The following ACOT12 variants were observed in gnomAD, a reference collection of about 807,000 sequenced individuals.
The protein encoded by ACOT12 is acetyl-coenzyme A thioesterase.
In ACOT12, 51 loss-of-function variants were observed where a neutral mutation model predicts 67.7. The ratio of observed to expected loss-of-function variants is 0.75; its 90% CI spans 0.60 to 0.95. ACOT12 has a LOEUF of 0.95. Among genes scored for constraint, ACOT12 ranks in the 40% least tolerant of loss-of-function variants. The pLI, the probability that ACOT12 is intolerant of heterozygous loss-of-function variation, is 0.00. For synonymous variants in ACOT12, 251 were observed against 244.6 expected, an observed-to-expected ratio of 1.03 and a Z score of -0.24; for missense variants, 734 against 708.1, an observed-to-expected ratio of 1.04 and a Z score of -0.41.
At chr5:81,379,587 T>C (rs1275134048) in intron 2 of ACOT12, among the ~76,000 whole-genome samples, 1 of 152,146 alleles carries the variant, frequency 6.6e-6, no homozygotes, top group African/African-American at 2.4e-5. Context: ...TCCCATTTCA[T>C]TCCCATCAGG....
chr5:81,315,909 A>G, the ACOT12 span, among the ~76,000 whole-genome samples: 3 of 152,126 alleles, frequency 2.0e-5, no homozygotes, highest in Admixed American at 6.5e-5. Flanking sequence ...ACCTTCTACC[A>G]TATTAAGTTA....
chr5:81,382,485 A>C (rs1472078062), intron 2 of ACOT12, among the ~76,000 whole-genome samples: 1 of 152,160 alleles, frequency 6.6e-6, no homozygotes, highest in African/African-American at 2.4e-5. Context: ...AAGATGGGGC[A>C]GTCTGAACTT....
chr5:81,311,170 C>A, the ACOT12 span: 1 of 1,608,946 alleles, frequency 6.2e-7, no homozygotes, highest in East Asian at 2.2e-5. Context: ...AAACCCCTTG[C>A]AAGTATGAGA....
rs1007136825 is a variant in ACOT12, at chr5:81,376,205, A to G, written c.198-4395T>C. Among the ~76,000 whole-genome samples the G allele has an allele frequency of 2.0e-5, 3 of 152,150 alleles. No individual in the cohort carries two copies. The East Asian group carries it at 5.8e-4, about 29-fold the overall frequency. On this transcript the variant is annotated intron_variant, in intron 2 of 14. Transcript: ENST00000307624. ...GAAACTCACTCAAAACCACACAACT[A>G]CATGGAAACTGAACAACCTGCTCCT...
At chr5:81,381,212 G>T (rs893294731) in intron 2 of ACOT12, among the ~76,000 whole-genome samples, 5 of 151,980 alleles carry the variant, frequency 3.3e-5, no homozygotes, top group African/African-American at 1.2e-4. Context: ...GATTACAGGC[G>T]CGTGCCACCA....
chr5:81,384,858 G>A (rs1760684606), intron 2 of ACOT12, among the ~76,000 whole-genome samples: 1 of 152,140 alleles, frequency 6.6e-6, no homozygotes, highest in East Asian at 1.9e-4. Context: ...CTATAGCTAG[G>A]GGTGAAGGGT....
chr5:81,376,622 A>G (rs1760424102), intron 2 of ACOT12, among the ~76,000 whole-genome samples: 1 of 152,140 alleles, frequency 6.6e-6, no homozygotes, highest in Admixed American at 6.5e-5. Flanking sequence ...AGAGAGAAGA[A>G]CCAAATAGAC....
At chr5:81,339,307 A>G (rs1232519324) in intron 11 of ACOT12, among the ~76,000 whole-genome samples, 2 of 152,180 alleles carry the variant, frequency 1.3e-5, no homozygotes, top group Non-Finnish European at 2.9e-5. Flanking sequence ...CCCCGGCTCC[A>G]TGAGAATAGC....
chr5:81,338,534 T>C (rs185038036), intron 11 of ACOT12, among the ~76,000 whole-genome samples: 112 of 152,354 alleles, frequency 7.4e-4, no homozygotes, highest in Non-Finnish European at 1.5e-3. Context: ...CCATGCTTCC[T>C]GTGCAGCCTA....
the ACOT12 span, among the ~76,000 whole-genome samples, chr5:81,324,591 A>G: frequency 7.2e-5 from 11 of 152,230 alleles, no homozygotes; most frequent in Non-Finnish European, 1.6e-4. Context: ...AGGAATAGAT[A>G]TAGAGGAGAA....
chr5:81,362,280 C>T (rs774363144), intron 4 of ACOT12, among the ~76,000 whole-genome samples: 1 of 151,240 alleles, frequency 6.6e-6, no homozygotes, highest in Non-Finnish European at 1.5e-5. Flanking sequence ...AGTCTCCTGT[C>T]TCAGCTTCCC....
intron 3 of ACOT12, among the ~76,000 whole-genome samples, chr5:81,365,556 CTTAG>C (rs1316466024): frequency 1.3e-5 from 2 of 152,124 alleles, no homozygotes; most frequent in African/African-American, 4.8e-5. Flanking sequence ...GAAGAGTTAA[CTTAG>C]TTATATGTGA....
chr5:81,379,555 C>T lies in ACOT12; in HGVS notation c.197+6202G>A, dbSNP rs571617821. The stretch of plus-strand genomic sequence containing the variant: ...AACACGTCATTCACTGAGCAGTAAC[C>T]CCATGAGGTGGGCATTATCATTCCC... On this transcript the variant is annotated intron_variant, in intron 2 of 14. Coordinates refer to ENST00000307624, the MANE Select transcript of ACOT12 (RefSeq NM_130767.3). Among the ~76,000 whole-genome samples the T allele has an allele frequency of 2.4e-4, 37 of 152,162 alleles. No homozygotes were observed. The South Asian group carries it at 7.7e-3, about 32-fold the overall frequency.
At chr5:81,322,255 G>A in the ACOT12 span, among the ~76,000 whole-genome samples, 9 of 152,018 alleles carry the variant, frequency 5.9e-5, no homozygotes, top group Non-Finnish European at 8.8e-5. Flanking sequence ...ATAAAATAAG[G>A]AGATTATTTT....
chr5:81,359,586 A>G (rs574779966), intron 5 of ACOT12, among the ~76,000 whole-genome samples: 2 of 152,352 alleles, frequency 1.3e-5, no homozygotes, highest in Non-Finnish European at 2.9e-5. Context: ...GCACCGTGTC[A>G]ATGTATGGCA....
intron 11 of ACOT12, among the ~76,000 whole-genome samples, chr5:81,336,849 C>T (rs191720200): frequency 5.3e-5 from 8 of 152,210 alleles, no homozygotes; most frequent in Admixed American, 3.3e-4. Flanking sequence ...TTTATTTAAA[C>T]ATAAATATCA....
intron 5 of ACOT12, among the ~76,000 whole-genome samples, chr5:81,349,207 C>T (rs1039559705): frequency 6.6e-6 from 1 of 152,164 alleles, no homozygotes; most frequent in Admixed American, 6.5e-5. Flanking sequence ...ATTCCACTTC[C>T]TAATGTAATT....
At chr5:81,323,903 T>C in the ACOT12 span, among the ~76,000 whole-genome samples, 2 of 147,884 alleles carry the variant, frequency 1.4e-5, no homozygotes, top group Non-Finnish European at 3.0e-5. Flanking sequence ...TATACGTATA[T>C]ATACACGTAT....
the ACOT12 span, among the ~76,000 whole-genome samples, chr5:81,323,487 C>G: frequency 3.3e-5 from 5 of 152,168 alleles, no homozygotes; most frequent in African/African-American, 1.2e-4. Flanking sequence ...GAAGGAAAGT[C>G]CATTGCAAAA....
Sources: gnomAD v4.1 joint callset for allele counts (sites outside exome capture counted in the v4.1 genomes callset) on GRCh38, gnomAD v4.1.1 for gene constraint, MANE v1.5 for transcripts, NCBI Gene and HGNC (gene_info 2026-07-23, HGNC 2026-07-21) for gene names.